NFIB: variants seen among roughly 807,000 people sequenced by gnomAD.
NFIB encodes the protein nuclear factor I B.
NFIB carries 11 observed loss-of-function variants against 61.5 expected under a neutral mutation model. That is an observed-to-expected ratio of 0.18 (90% CI 0.11 to 0.30). NFIB has a LOEUF of 0.30. Among genes scored for constraint, NFIB ranks in the 10% least tolerant of loss-of-function variants. NFIB has a pLI of 1.00. For missense variants in NFIB, 471 were observed against 608.9 expected (o/e 0.77, Z 2.38); for synonymous variants, 260 against 216.5 (o/e 1.20, Z -1.76).
At chr9:14,091,152 T>C (rs565246160) in intron 10 of NFIB, among the ~76,000 whole-genome samples, 65 of 152,028 alleles carry the variant, frequency 4.3e-4, no homozygotes, top group African/African-American at 1.5e-3. Flanking sequence ...ACATTAACAC[T>C]ATGCAGACCC....
At chr9:14,130,126 T>C (rs2040231725) in intron 6 of NFIB, among the ~76,000 whole-genome samples, 1 of 152,154 alleles carries the variant, frequency 6.6e-6, no homozygotes, top group Non-Finnish European at 1.5e-5. Flanking sequence ...AACCAAAAAT[T>C]TTCTTCCTAG....
At chr9:14,240,918 G>A (rs1033757859) in intron 2 of NFIB, among the ~76,000 whole-genome samples, 1 of 152,182 alleles carries the variant, frequency 6.6e-6, no homozygotes, top group Non-Finnish European at 1.5e-5. Flanking sequence ...GGAGCTCTGA[G>A]GTTAGAAAGC....
chr9:14,210,193 T>C (rs989625794), intron 2 of NFIB, among the ~76,000 whole-genome samples: 18 of 152,276 alleles, frequency 1.2e-4, no homozygotes, highest in African/African-American at 4.3e-4. Context: ...ATTCTGTATT[T>C]TGCTTCCTTT....
At chr9:14,092,551 G>A (rs185409707) in intron 10 of NFIB, among the ~76,000 whole-genome samples, 28 of 152,144 alleles carry the variant, frequency 1.8e-4, no homozygotes, top group African/African-American at 5.8e-4. Context: ...GAAGTCAGAT[G>A]ACTTAACATA....
intron 2 of NFIB, among the ~76,000 whole-genome samples, chr9:14,203,844 C>T (rs934856673): frequency 1.3e-5 from 2 of 152,188 alleles, no homozygotes; most frequent in East Asian, 3.9e-4. Flanking sequence ...GGGTCTTTTA[C>T]GAAATTCTGC....
intron 2 of NFIB, among the ~76,000 whole-genome samples, chr9:14,229,956 A>G (rs775601146): frequency 1.3e-5 from 2 of 152,212 alleles, no homozygotes; most frequent in African/African-American, 2.4e-5. Flanking sequence ...ATATGCCACC[A>G]TGTCCGGCTA....
chr9:14,195,768 T>G (rs558456315), intron 2 of NFIB, among the ~76,000 whole-genome samples: 39 of 152,300 alleles, frequency 2.6e-4, no homozygotes, highest in African/African-American at 8.9e-4. Context: ...AGGAATCTTT[T>G]ATGGCATTAA....
the NFIB span, among the ~76,000 whole-genome samples, chr9:14,427,608 G>A: frequency 1.3e-5 from 2 of 152,204 alleles, no homozygotes; most frequent in African/African-American, 4.8e-5. Flanking sequence ...CAGCTTGGAA[G>A]CCCACATAGA....
the NFIB span, among the ~76,000 whole-genome samples, chr9:14,518,903 G>A: frequency 6.6e-6 from 1 of 152,100 alleles, no homozygotes; most frequent in Admixed American, 6.5e-5. Flanking sequence ...GGAGATGGGG[G>A]ATTCCCACTC....
the NFIB span, among the ~76,000 whole-genome samples, chr9:14,448,904 G>T: frequency 1.3e-5 from 2 of 152,178 alleles, no homozygotes; most frequent in African/African-American, 2.4e-5. Context: ...TGAGGATTGG[G>T]AGATAGAGGG....
At chr9:14,134,689 G>T (rs1326973239) in intron 6 of NFIB, among the ~76,000 whole-genome samples, 1 of 152,008 alleles carries the variant, frequency 6.6e-6, no homozygotes, top group Non-Finnish European at 1.5e-5. Context: ...CTGAGGTCAG[G>T]AGTTCGAGAC....
intron 2 of NFIB, among the ~76,000 whole-genome samples, chr9:14,217,624 C>T (rs1241620903): frequency 1.6e-5 from 2 of 123,660 alleles, no homozygotes; most frequent in African/African-American, 6.3e-5. Flanking sequence ...TGCAACATTG[C>T]ATGCCAGCCT....
intron 6 of NFIB, among the ~76,000 whole-genome samples, chr9:14,130,362 C>A (rs1213700483): frequency 6.6e-6 from 1 of 152,194 alleles, no homozygotes; most frequent in Non-Finnish European, 1.5e-5. Flanking sequence ...CATCCCTGAT[C>A]TATGACATTC....
chr9:14,195,745 C>G (rs1272325811), intron 2 of NFIB, among the ~76,000 whole-genome samples: 11 of 152,120 alleles, frequency 7.2e-5, no homozygotes, highest in Admixed American at 4.6e-4. Flanking sequence ...GTTCAACTTT[C>G]TTTTCACAGA....
chr9:14,465,604 CA>C, the NFIB span, among the ~76,000 whole-genome samples: 1 of 151,704 alleles, frequency 6.6e-6, no homozygotes, highest in Non-Finnish European at 1.5e-5. Flanking sequence ...CACACACACA[CA>C]CACGCCCTAC....
chr9:14,391,833 G>C (rs1286297117), intron 1 of NFIB, among the ~76,000 whole-genome samples: 1 of 152,180 alleles, frequency 6.6e-6, no homozygotes, highest in East Asian at 1.9e-4. Flanking sequence ...TCTTCCAAGA[G>C]TACTTTGCTT....
Position 14,389,832 on chromosome 9 carries a change from T to G in NFIB, c.108+8692A>C, listed in dbSNP as rs553707892. ...CAACCAATCAGAGCTTCTAATGGTT[T>G]GAAATAACTGATGTAGCCAGACACA... On this transcript the variant is annotated intron_variant, in intron 1 of 8. Transcript: ENST00000380934. 3.3e-5 allele frequency among the ~76,000 whole-genome samples: 5 copies of G among 152,318 alleles called. No individual in the cohort carries two copies. In the South Asian group the frequency reaches 1.0e-3, roughly 32 times the overall value.
chr9:14,330,820 G>A (rs1334792147), intron 1 of NFIB, among the ~76,000 whole-genome samples: 1 of 152,012 alleles, frequency 6.6e-6, no homozygotes, highest in African/African-American at 2.4e-5. Context: ...TGAAGAAGAG[G>A]TCCATATTCA....
chr9:14,470,878 G>A, the NFIB span, among the ~76,000 whole-genome samples: 1 of 152,152 alleles, frequency 6.6e-6, no homozygotes, highest in African/African-American at 2.4e-5. Context: ...TTCCTCATCT[G>A]TCAAGGCAAT....
Sources: gnomAD v4.1 joint callset for allele counts (sites outside exome capture counted in the v4.1 genomes callset) on GRCh38, gnomAD v4.1.1 for gene constraint, MANE v1.5 for transcripts, NCBI Gene and HGNC (gene_info 2026-07-23, HGNC 2026-07-21) for gene names.